The following PAPPA2 variants were observed in gnomAD, a reference collection of about 807,000 sequenced individuals.
PAPPA2 encodes the protein pappalysin-2.
PAPPA2 carries 86 observed loss-of-function variants against 176.4 expected under a neutral mutation model. The observed-to-expected ratio is 0.49, with a 90% CI of 0.41 to 0.58. The LOEUF is 0.58. Ranked by LOEUF, PAPPA2 falls within the 20% of genes least tolerant of loss-of-function variation. PAPPA2 has a pLI of 0.00. For synonymous variants in PAPPA2, 809 were observed against 852.2 expected (o/e 0.95, Z 0.88); for missense variants, 2,073 against 2,256.9 (o/e 0.92, Z 1.65).
At chr1:176,750,019 G>A (rs999414401) in intron 14 of PAPPA2, among the ~76,000 whole-genome samples, 4 of 152,114 alleles carry the variant, frequency 2.6e-5, no homozygotes, top group African/African-American at 9.7e-5. Flanking sequence ...GGATCATATG[G>A]TTAAGAGGAT....
chr1:176,545,320 G>A (rs1404689911), intron 1 of PAPPA2, among the ~76,000 whole-genome samples: 1 of 151,882 alleles, frequency 6.6e-6, no homozygotes, highest in African/African-American at 2.4e-5. Context: ...AGGGTTTTAG[G>A]AGCTGTGTGC....
intron 21 of PAPPA2, among the ~76,000 whole-genome samples, chr1:176,837,428 A>G (rs951858033): frequency 6.6e-6 from 1 of 151,380 alleles, no homozygotes; most frequent in African/African-American, 2.4e-5. Flanking sequence ...TACAGTGAAA[A>G]TAACATACAG....
At chr1:176,623,377 A>G (rs1655701885) in intron 3 of PAPPA2, among the ~76,000 whole-genome samples, 1 of 152,180 alleles carries the variant, frequency 6.6e-6, no homozygotes, top group Non-Finnish European at 1.5e-5. Context: ...CACATGGCTC[A>G]TTGGGAAGTA....
intron 3 of PAPPA2, among the ~76,000 whole-genome samples, chr1:176,608,145 C>G (rs1175945348): frequency 6.6e-6 from 1 of 152,102 alleles, no homozygotes; most frequent in Admixed American, 6.6e-5. Context: ...ATATTTCTTA[C>G]AATGGGAATC....
chr1:176,559,991 A>T (rs1423703764), intron 2 of PAPPA2, among the ~76,000 whole-genome samples: 1 of 152,172 alleles, frequency 6.6e-6, no homozygotes, highest in Admixed American at 6.5e-5. Context: ...TACTTTCTAC[A>T]CGGAACACTA....
chr1:176,615,867 G>T (rs749089791), intron 3 of PAPPA2, among the ~76,000 whole-genome samples: 2 of 152,124 alleles, frequency 1.3e-5, no homozygotes, highest in Non-Finnish European at 2.9e-5. Flanking sequence ...TGAGATTTTA[G>T]CTCTGTATGG....
At chr1:176,545,072 C>T (rs919873265) in intron 1 of PAPPA2, among the ~76,000 whole-genome samples, 7 of 152,058 alleles carry the variant, frequency 4.6e-5, no homozygotes, top group Non-Finnish European at 8.8e-5. Flanking sequence ...AATCATTAGC[C>T]GTTGGTGATT....
At chr1:176,572,518 A>G (rs181995586) in intron 2 of PAPPA2, among the ~76,000 whole-genome samples, 1 of 152,314 alleles carries the variant, frequency 6.6e-6, no homozygotes, top group East Asian at 1.9e-4. Context: ...TGATTGGCAT[A>G]GTATTTGGTT....
At position 176,767,170 on chromosome 1, in the gene PAPPA2, A is replaced by G. The variant is rs1571297197; in HGVS notation, c.4323+1333A>G. On this transcript the variant is annotated intron_variant, in intron 15 of 22. Coordinates refer to ENST00000367662, the MANE Select transcript of PAPPA2 (RefSeq NM_020318.3). ...GGAATGTCCACTCCAGAAAAGAAAT[A>G]AAAAGAATGGAAAAAAATGCAGGGA... Among the ~76,000 whole-genome samples, 3 of 152,360 alleles carry G rather than the reference A, an allele frequency of 2.0e-5. No individual in the cohort carries two copies. The South Asian group carries it at 6.2e-4, about 32-fold the overall frequency.
At chr1:176,738,470 A>C (rs1304589452) in intron 12 of PAPPA2, among the ~76,000 whole-genome samples, 1 of 152,104 alleles carries the variant, frequency 6.6e-6, no homozygotes, top group Non-Finnish European at 1.5e-5. Context: ...TTAAAATGAA[A>C]ACATGTTTTA....
chr1:176,636,718 T>C (rs1408202139), intron 3 of PAPPA2, among the ~76,000 whole-genome samples: 1 of 152,158 alleles, frequency 6.6e-6, no homozygotes, highest in Non-Finnish European at 1.5e-5. Context: ...CAGAGGTGAT[T>C]GTGATCCTTG....
intron 3 of PAPPA2, among the ~76,000 whole-genome samples, chr1:176,623,574 CCCTCCT>C: frequency 2.7e-5 from 2 of 75,418 alleles, no homozygotes; most frequent in Non-Finnish European, 5.7e-5. Flanking sequence ...TTCCTTCCTT[CCCTCCT>C]TCCTTCCTTC....
chr1:176,506,119 T>C (rs1465409096), intron 1 of PAPPA2, among the ~76,000 whole-genome samples: 1 of 152,172 alleles, frequency 6.6e-6, no homozygotes, highest in East Asian at 1.9e-4. Context: ...TCTCCATTGC[T>C]TGTTTTTGTC....
At chr1:176,690,589 G>A in intron 5 of PAPPA2, 159 bp downstream of exon 5, 1 of 1,411,874 alleles carries the variant, frequency 7.1e-7, no homozygotes, top group South Asian at 1.8e-5. Flanking sequence ...ATTTTTTCAT[G>A]TCTTTGAAGA....
At chr1:176,708,643 A>G (rs1326190626) in intron 10 of PAPPA2, among the ~76,000 whole-genome samples, 1 of 152,080 alleles carries the variant, frequency 6.6e-6, no homozygotes, top group Admixed American at 6.6e-5. Flanking sequence ...GCATGAGTTG[A>G]AAGCCCAAAA....
intron 14 of PAPPA2, among the ~76,000 whole-genome samples, chr1:176,758,605 G>A (rs1663548221): frequency 6.6e-6 from 1 of 152,142 alleles, no homozygotes; most frequent in South Asian, 2.1e-4. Context: ...AAACAGTAGA[G>A]AAAAATTGGA....
At chr1:176,539,412 C>T (rs1227234334) in intron 1 of PAPPA2, among the ~76,000 whole-genome samples, 1 of 152,208 alleles carries the variant, frequency 6.6e-6, no homozygotes, top group Non-Finnish European at 1.5e-5. Context: ...ATCCCTTACA[C>T]ATGGCCTCTA....
At chr1:176,580,641 ATT>A (rs60434398) in intron 2 of PAPPA2, among the ~76,000 whole-genome samples, 7 of 151,152 alleles carry the variant, frequency 4.6e-5, no homozygotes, top group Non-Finnish European at 7.4e-5. Context: ...CATTGCCAGC[ATT>A]TTTTTTTTGT....
Position 176,556,953 on chromosome 1 carries a change from G to C in PAPPA2, c.631G>C (p.Gly211Arg). 1 of 1,614,052 alleles carries C rather than the reference G, an allele frequency of 6.2e-7. No individual in the cohort carries two copies. The highest frequency in any genetic ancestry group is 8.5e-7 in the Non-Finnish European group (1 of 1,180,002). Residue 211 changes from glycine to arginine, a missense_variant, in exon 2 of 23, where the codon GGA (glycine) becomes CGA (arginine). Transcript: ENST00000367662. The part of the protein sequence containing the change: ...VWKRRAEDGQ[G>R]DSGISSHFQP... Reference sequence around the variant, plus strand: ...GAAGAGGCGGGCGGAAGATGGGCAGGGAGACTCCGGTATCTCTTCACATTT... The same window carrying C: ...GAAGAGGCGGGCGGAAGATGGGCAGCGAGACTCCGGTATCTCTTCACATTT...
Sources: allele counts gnomAD v4.1 joint callset (sites outside exome capture counted in the v4.1 genomes callset), GRCh38; gene constraint gnomAD v4.1.1; transcripts MANE v1.5; gene names NCBI Gene and HGNC (gene_info 2026-07-23, HGNC 2026-07-21).